Variants in NCK2 observed in about 807,000 individuals in gnomAD.
NCK2 encodes the protein cytoplasmic protein NCK2.
NCK2 carries 16 observed loss-of-function variants against 33.9 expected under a neutral mutation model. The ratio of observed to expected loss-of-function variants is 0.47; its 90% confidence interval spans 0.32 to 0.72. NCK2 has a LOEUF of 0.72. Among genes scored for constraint, NCK2 ranks in the 30% least tolerant of loss-of-function variants. The pLI, the probability that NCK2 is intolerant of heterozygous loss-of-function variation, is 0.03. For synonymous variants in NCK2, 273 were observed against 239.9 expected (o/e 1.14, Z -1.27); for missense variants, 418 against 537.3 (o/e 0.78, Z 2.19).
chr2:105,744,858 G>A (rs1285400518), upstream of NCK2: 10 of 149,450 alleles, frequency 6.7e-5, no homozygotes, highest in South Asian at 4.0e-4. Flanking sequence ...TGCGCGCCGG[G>A]GGAGGGTCGC....
At chr2:105,782,917 C>T (rs1263741754) in intron 1 of NCK2, among the ~76,000 whole-genome samples, 1 of 152,220 alleles carries the variant, frequency 6.6e-6, no homozygotes, top group Non-Finnish European at 1.5e-5. Context: ...CACTTGTGCT[C>T]ACCGGCTTGG....
intron 2 of NCK2, among the ~76,000 whole-genome samples, chr2:105,838,141 T>G (rs1295277439): frequency 6.6e-6 from 1 of 152,142 alleles, no homozygotes; most frequent in Non-Finnish European, 1.5e-5. Context: ...CCACTATTTA[T>G]AAACCTTAGC....
chr2:105,838,954 G>T (rs1676535292), intron 2 of NCK2, among the ~76,000 whole-genome samples: 1 of 152,206 alleles, frequency 6.6e-6, no homozygotes, highest in Admixed American at 6.5e-5. Context: ...TGGAAAAAGA[G>T]AAAACAGAAG....
intron 2 of NCK2, among the ~76,000 whole-genome samples, chr2:105,823,021 G>A (rs936827908): frequency 2.6e-5 from 4 of 151,914 alleles, no homozygotes; most frequent in Non-Finnish European, 4.4e-5. Context: ...AAATAAACAG[G>A]CCACACAGAG....
At chr2:105,854,982 G>A in intron 2 of NCK2, 66 bp from the exon 3 acceptor site, 2 of 1,252,252 alleles carry the variant, frequency 1.6e-6, no homozygotes, top group African/African-American at 1.5e-5. Flanking sequence ...AATTTTTCAA[G>A]TTGGTGCAAA....
intron 1 of NCK2, among the ~76,000 whole-genome samples, chr2:105,780,620 T>C (rs573271196): frequency 5.3e-5 from 8 of 152,324 alleles, no homozygotes; most frequent in African/African-American, 1.9e-4. Flanking sequence ...TGGTCACTGA[T>C]GTGGTCTGAA....
intron 1 of NCK2, among the ~76,000 whole-genome samples, chr2:105,809,958 CTG>C (rs1427386261): frequency 6.6e-6 from 1 of 151,956 alleles, no homozygotes; most frequent in African/African-American, 2.4e-5. Flanking sequence ...GAGCGGGACT[CTG>C]TTAGTAGTGG....
At chr2:105,882,505 A>G (rs1678547422) in intron 4 of NCK2, among the ~76,000 whole-genome samples, 2 of 152,206 alleles carry the variant, frequency 1.3e-5, no homozygotes, top group African/African-American at 2.4e-5. Context: ...TGTAAACCAT[A>G]TAATCCCAAG....
At chr2:105,845,133 A>G (rs1396520408) in intron 2 of NCK2, among the ~76,000 whole-genome samples, 1 of 152,194 alleles carries the variant, frequency 6.6e-6, no homozygotes, top group Non-Finnish European at 1.5e-5. Flanking sequence ...CATAGATACC[A>G]TGCTTAGGAA....
intron 4 of NCK2, among the ~76,000 whole-genome samples, chr2:105,889,163 C>G (rs915730949): frequency 2.6e-5 from 4 of 152,196 alleles, no homozygotes; most frequent in African/African-American, 9.7e-5. Flanking sequence ...GTAACTCCAT[C>G]TCCATCAGAT....
At chr2:105,757,960 C>T (rs1689645956) in intron 1 of NCK2, among the ~76,000 whole-genome samples, 1 of 149,274 alleles carries the variant, frequency 6.7e-6, no homozygotes, top group Admixed American at 6.7e-5. Flanking sequence ...GGTGAAGCAC[C>T]TCTATTCTCT....
intron 3 of NCK2, among the ~76,000 whole-genome samples, chr2:105,869,921 T>C (rs981169023): frequency 1.3e-5 from 2 of 152,236 alleles, no homozygotes; most frequent in African/African-American, 2.4e-5. Flanking sequence ...CCATTTTTTT[T>C]TCAGGTTTAA....
At chr2:105,822,863 A>G (rs1224276722) in intron 2 of NCK2, among the ~76,000 whole-genome samples, 3 of 152,004 alleles carry the variant, frequency 2.0e-5, no homozygotes, top group South Asian at 2.1e-4. Flanking sequence ...ATGAGCCCAG[A>G]GAGGTTACTT....
intron 1 of NCK2, among the ~76,000 whole-genome samples, chr2:105,770,124 T>TAAAAAAAAAAAAAAAAAAGA (rs1690082132): frequency 7.9e-6 from 1 of 126,754 alleles, no homozygotes; most frequent in Non-Finnish European, 1.7e-5. Context: ...CACTAATAAG[T>TAAAAAAAAAAAAAAAAAAGA]AAAAAAAAAA....
rs1689575439 is a variant in NCK2, at chr2:105,755,518, G to C, written c.-201+10380G>C. Among the ~76,000 whole-genome samples, 2 of 152,246 alleles carry C rather than the reference G, an allele frequency of 1.3e-5. 1 individual carries two copies. Among genetic ancestry groups the C allele is most frequent in the African/African-American group, 4.8e-5 (2 of 41,530 alleles). ...TTCATGAGTGCCTCCGGTTGGTGAG[G>C]GTTCCATGTGTAAGGAAGAAAATAT... On this transcript the variant is annotated intron_variant, in intron 1 of 4. Coordinates refer to ENST00000233154, the MANE Select transcript of NCK2 (RefSeq NM_003581.5).
At chr2:105,808,018 T>G (rs1675149158) in intron 1 of NCK2, among the ~76,000 whole-genome samples, 1 of 152,044 alleles carries the variant, frequency 6.6e-6, no homozygotes, top group Non-Finnish European at 1.5e-5. Flanking sequence ...TTCTCCTGCC[T>G]TAGCCTCTTG....
At chr2:105,831,631 C>G (rs941472978) in intron 2 of NCK2, among the ~76,000 whole-genome samples, 1 of 152,080 alleles carries the variant, frequency 6.6e-6, no homozygotes, top group Non-Finnish European at 1.5e-5. Context: ...TTTCCTACCA[C>G]CATTTATTGA....
chr2:105,822,828 C>A (rs1675795202), intron 2 of NCK2, among the ~76,000 whole-genome samples: 1 of 151,946 alleles, frequency 6.6e-6, no homozygotes, highest in South Asian at 2.1e-4. Context: ...TATGGATAGT[C>A]CTCCCCTGAA....
At chr2:105,796,620 C>T (rs2047699) in intron 1 of NCK2, among the ~76,000 whole-genome samples, 42,238 of 152,002 alleles carry the variant, frequency 0.28, 8,067 homozygotes, top group African/African-American at 0.54. Context: ...TGGTGCTTTT[C>T]TTCCTTTTGC....
Sources: allele counts gnomAD v4.1 joint callset (sites outside exome capture counted in the v4.1 genomes callset), GRCh38; gene constraint gnomAD v4.1.1; transcripts MANE v1.5; gene names NCBI Gene and HGNC (gene_info 2026-07-23, HGNC 2026-07-21).